MAP4: variants seen among roughly 807,000 people sequenced by gnomAD.
MAP4 encodes the protein microtubule associated protein 4.
MAP4 carries 76 observed loss-of-function variants against 170.2 expected under a neutral mutation model. That is an observed-to-expected ratio of 0.45 (90% CI 0.37 to 0.54). The LOEUF is 0.54. Among genes scored for constraint, MAP4 ranks in the 20% least tolerant of loss-of-function variants. The probability of loss-of-function intolerance (pLI) is 0.00; values close to 1 mark genes in which losing one functional copy is unlikely to be tolerated. For synonymous variants in MAP4, 909 were observed against 994.5 expected, an observed-to-expected ratio of 0.91 and a Z score of 1.62; for missense variants, 2,506 against 2,748.0, an observed-to-expected ratio of 0.91 and a Z score of 1.97.
intron 10 of MAP4, among the ~76,000 whole-genome samples, chr3:47,886,087 G>A (rs2097548329): frequency 1.3e-5 from 2 of 152,252 alleles, no homozygotes; most frequent in South Asian, 4.1e-4. Context: ...AGCTGCCACT[G>A]GCCCCAGACC....
At chr3:48,060,312 C>T (rs62260850) in intron 1 of MAP4, among the ~76,000 whole-genome samples, 6,786 of 151,646 alleles carry the variant, frequency 0.045, 218 homozygotes, top group Non-Finnish European at 0.069. Context: ...AGAGAACCCA[C>T]CAAAACTGTG....
rs779235083 is a variant in MAP4, at chr3:47,853,275, C to T, written c.6774G>A (p.Ala2258=). The change falls in exon 20 of 21, where the codon GCG becomes GCA. Residue 2258 remains alanine (A), a synonymous_variant. Coordinates refer to ENST00000683076, the MANE Select transcript of MAP4 (RefSeq NM_001385682.1). The stretch of plus-strand genomic sequence containing the variant: ...CTGAAGTGGGGGCGCCAGCTTCAGG[C>T]GCTGCCTCAGAGATGGCCGGCTCCT... ...AGEEPAISEA[A]PEAGAPTSAS... 3.2e-5 allele frequency: 51 copies of T among 1,605,730 alleles called. No homozygotes were observed. Among genetic ancestry groups the T allele is most frequent in the East Asian group, 4.5e-5 (2 of 44,744 alleles).
chr3:48,076,967 C>T (rs146275414), intron 1 of MAP4, among the ~76,000 whole-genome samples: 2 of 150,306 alleles, frequency 1.3e-5, no homozygotes, highest in East Asian at 2.0e-4. Context: ...TATAAGGAGA[C>T]CCCATCTCTA....
At chr3:48,054,657 A>T (rs1265274401) in intron 1 of MAP4, among the ~76,000 whole-genome samples, 1 of 113,028 alleles carries the variant, frequency 8.8e-6, no homozygotes, top group African/African-American at 3.7e-5. Context: ...AAAAAAAAAA[A>T]ATTAGCTGGC....
rs959116091 is a variant in MAP4, at chr3:47,910,723, T to C, written c.3698A>G (p.Glu1233Gly). Residue 1233 changes from glutamate (E) to glycine (G), a missense_variant, in exon 9 of 21, where the codon GAG becomes GGG. Glu to Gly is a moderately conservative substitution (Grantham distance 98). Coordinates refer to ENST00000683076, the MANE Select transcript of MAP4 (RefSeq NM_001385682.1). ...NNYSTQPARM[E>G]RKEEILNPPF... ...TGGGTTAAGGATTTCTTCCTTCCTCTCCATTCTAGCAGGCTGTGTGGAATA... is the reference window on the plus strand; with the variant it reads ...TGGGTTAAGGATTTCTTCCTTCCTCCCCATTCTAGCAGGCTGTGTGGAATA... The C allele has an allele frequency of 6.5e-7, 1 of 1,536,142 alleles. No homozygotes were observed. Among genetic ancestry groups the C allele is most frequent in the African/African-American group, 1.4e-5 (1 of 73,166 alleles).
At chr3:47,893,589 T>C (rs1320078423) in intron 10 of MAP4, among the ~76,000 whole-genome samples, 1 of 152,078 alleles carries the variant, frequency 6.6e-6, no homozygotes, top group Non-Finnish European at 1.5e-5. Flanking sequence ...AAAACAAAAC[T>C]GTGAGAAAAA....
At chr3:48,061,328 G>C (rs963047392) in intron 1 of MAP4, among the ~76,000 whole-genome samples, 2 of 146,658 alleles carry the variant, frequency 1.4e-5, no homozygotes, top group East Asian at 4.5e-4. Context: ...GAGTGCCTGC[G>C]ATTGCAGGCA....
At chr3:47,946,256 G>A (rs1165119951) in intron 3 of MAP4, among the ~76,000 whole-genome samples, 1 of 151,392 alleles carries the variant, frequency 6.6e-6, no homozygotes, top group African/African-American at 2.4e-5. Flanking sequence ...TAACTTAAAT[G>A]CTCAGGACTA....
intron 3 of MAP4, among the ~76,000 whole-genome samples, chr3:47,945,614 T>G (rs562491296): frequency 6.6e-6 from 1 of 152,248 alleles, no homozygotes. Context: ...TTATGAGTTT[T>G]TCTTAAAAGA....
At chr3:48,026,904 AC>A (rs1272546530) in intron 1 of MAP4, among the ~76,000 whole-genome samples, 1 of 152,080 alleles carries the variant, frequency 6.6e-6, no homozygotes, top group Non-Finnish European at 1.5e-5. Context: ...CACCACGACT[AC>A]CCCCCAAAAA....
At chr3:47,955,901 G>A (rs1473108106) in intron 3 of MAP4, among the ~76,000 whole-genome samples, 1 of 152,204 alleles carries the variant, frequency 6.6e-6, no homozygotes, top group Admixed American at 6.5e-5. Flanking sequence ...AAATAGGGAT[G>A]CTGAATGGAG....
chr3:47,992,839 G>A (rs368132593), intron 2 of MAP4, among the ~76,000 whole-genome samples: 1 of 151,548 alleles, frequency 6.6e-6, no homozygotes, highest in Middle Eastern at 3.4e-3. Flanking sequence ...AGGAGGTAGA[G>A]GTTGCAGTGA....
At chr3:48,023,144 T>G (rs1234946734) in intron 1 of MAP4, among the ~76,000 whole-genome samples, 1 of 152,134 alleles carries the variant, frequency 6.6e-6, no homozygotes, top group Non-Finnish European at 1.5e-5. Context: ...AGACATGTGG[T>G]GCAAATGGTA....
At chr3:48,026,578 T>G (rs951903141) in intron 1 of MAP4, among the ~76,000 whole-genome samples, 1 of 152,226 alleles carries the variant, frequency 6.6e-6, no homozygotes, top group Non-Finnish European at 1.5e-5. Context: ...TCTAGAAGAA[T>G]CTTAATCTTC....
intron 2 of MAP4, among the ~76,000 whole-genome samples, chr3:47,985,567 G>A (rs1467306032): frequency 6.6e-6 from 1 of 152,110 alleles, no homozygotes; most frequent in South Asian, 2.1e-4. Flanking sequence ...TCCTGATGTG[G>A]TGCACTTAGG....
chr3:47,897,107 C>A (rs575671752), intron 10 of MAP4, among the ~76,000 whole-genome samples: 9 of 152,162 alleles, frequency 5.9e-5, no homozygotes, highest in South Asian at 2.1e-4. Flanking sequence ...ATCTTAGTCA[C>A]TAGATGACTC....
chr3:48,040,222 T>C (rs921511325), intron 1 of MAP4, among the ~76,000 whole-genome samples: 3 of 152,288 alleles, frequency 2.0e-5, no homozygotes, highest in African/African-American at 7.2e-5. Flanking sequence ...TACAAGCCAA[T>C]AGGATCTTAA....
chr3:48,079,531 T>C (rs900112456), intron 1 of MAP4, among the ~76,000 whole-genome samples: 8 of 151,860 alleles, frequency 5.3e-5, no homozygotes, highest in Non-Finnish European at 1.0e-4. Context: ...GGTGTGCACC[T>C]GTACTCCCAA....
At chr3:48,057,470 T>A (rs1175845609) in intron 1 of MAP4, among the ~76,000 whole-genome samples, 1 of 130,630 alleles carries the variant, frequency 7.7e-6, no homozygotes, top group Non-Finnish European at 1.6e-5. Context: ...ACACAAACAC[T>A]GCGGAAGGCC....
Sources: gnomAD v4.1 joint callset for allele counts (sites outside exome capture counted in the v4.1 genomes callset) on GRCh38, gnomAD v4.1.1 for gene constraint, MANE v1.5 for transcripts, NCBI Gene and HGNC (gene_info 2026-07-23, HGNC 2026-07-21) for gene names.